MYO6: variants seen among roughly 807,000 people sequenced by gnomAD.
MYO6 encodes the protein unconventional myosin-VI.
MYO6 carries 74 observed loss-of-function variants against 178.7 expected under a neutral mutation model. The ratio of observed to expected loss-of-function variants is 0.41; its 90% confidence interval spans 0.34 to 0.50. The LOEUF (loss-of-function observed/expected upper bound fraction) is 0.50, where lower values mean the gene tolerates loss of function less well. Among genes scored for constraint, MYO6 ranks in the 20% least tolerant of loss-of-function variants. MYO6 has a pLI of 0.09. For synonymous variants in MYO6, 477 were observed against 504.6 expected (o/e 0.95, Z 0.73); for missense variants, 1,330 against 1,547.4 (o/e 0.86, Z 2.36).
intron 19 of MYO6, among the ~76,000 whole-genome samples, chr6:75,871,200 A>G (rs1562269206): frequency 6.6e-6 from 1 of 152,212 alleles, no homozygotes; most frequent in Non-Finnish European, 1.5e-5. Flanking sequence ...TAAATGAAGC[A>G]TGATTCCAAA....
At chr6:75,868,772 C>T (rs1171510874) in intron 18 of MYO6, among the ~76,000 whole-genome samples, 1 of 152,032 alleles carries the variant, frequency 6.6e-6, no homozygotes, top group Non-Finnish European at 1.5e-5. Context: ...TTCAGTTATC[C>T]AGCATCCCTG....
At chr6:75,842,943 GT>G (rs1379781317) in intron 9 of MYO6, among the ~76,000 whole-genome samples, 2 of 152,158 alleles carry the variant, frequency 1.3e-5, no homozygotes, top group Non-Finnish European at 2.9e-5. Flanking sequence ...AGGATTTCCT[GT>G]TTCTGCAGTG....
intron 1 of MYO6, among the ~76,000 whole-genome samples, chr6:75,750,406 A>T (rs924883570): frequency 1.3e-5 from 2 of 151,740 alleles, no homozygotes; most frequent in African/African-American, 4.8e-5. Flanking sequence ...AATATTCTTT[A>T]CATCTTACCT....
At chr6:75,855,304 C>T (rs763107537) in intron 12 of MYO6, 21 bp downstream of exon 12, 22 of 1,611,780 alleles carry the variant, frequency 1.4e-5, no homozygotes, top group Non-Finnish European at 1.9e-5. Flanking sequence ...TAAGTAATTG[C>T]ACTGCAAAAA....
chr6:75,786,367 T>C (rs1487399967), intron 1 of MYO6, among the ~76,000 whole-genome samples: 1 of 152,230 alleles, frequency 6.6e-6, no homozygotes, highest in Non-Finnish European at 1.5e-5. Flanking sequence ...TTGGCTATTC[T>C]TGGCCTTTGC....
At chr6:75,854,203 A>T (rs1307099781) in intron 11 of MYO6, among the ~76,000 whole-genome samples, 1 of 146,160 alleles carries the variant, frequency 6.8e-6, no homozygotes, top group Non-Finnish European at 1.5e-5. Context: ...ATAAAATGGC[A>T]CACGTGCAGG....
At chr6:75,895,393 T>C in intron 29 of MYO6, 133 bp downstream of exon 29, 1 of 751,642 alleles carries the variant, frequency 1.3e-6, no homozygotes, top group Non-Finnish European at 2.2e-6. Flanking sequence ...ATATTTTTCT[T>C]GTCTAGGAAA....
At chr6:75,750,118 C>T (rs998919076) in intron 1 of MYO6, among the ~76,000 whole-genome samples, 2 of 132,794 alleles carry the variant, frequency 1.5e-5, no homozygotes, top group African/African-American at 5.4e-5. Context: ...TTTTTTGAGA[C>T]GGAGCCTTGG....
chr6:75,838,650 T>C (rs1183724101), intron 7 of MYO6, among the ~76,000 whole-genome samples: 1 of 148,958 alleles, frequency 6.7e-6, no homozygotes, highest in East Asian at 1.9e-4. Context: ...TGACCATGGT[T>C]TTTTTTTTTT....
At chr6:75,845,482 C>T (rs1354929492) in intron 10 of MYO6, among the ~76,000 whole-genome samples, 2 of 151,966 alleles carry the variant, frequency 1.3e-5, no homozygotes, top group Non-Finnish European at 2.9e-5. Flanking sequence ...CGTTTGAAGC[C>T]AGGAGTTTGA....
At chr6:75,901,409 A>T (rs568344752) in intron 30 of MYO6, among the ~76,000 whole-genome samples, 1 of 151,966 alleles carries the variant, frequency 6.6e-6, no homozygotes, top group African/African-American at 2.4e-5. Flanking sequence ...TTGAGCAGTG[A>T]TTTGTAGTTC....
rs762451589 is a variant in MYO6, at chr6:75,848,381, C to T, written c.928C>T (p.Leu310=). 1.9e-6 allele frequency: 3 copies of T among 1,613,620 alleles called. No homozygotes were observed. The South Asian group carries it at 3.3e-5, about 18-fold the overall frequency. Residue 310 remains leucine (L), a synonymous_variant, in exon 11 of 35, where the codon CTG becomes TTG. Transcript: ENST00000369977. ...TAAGGCAGGTTCTATGAAAGATCCT[C>T]TGCTAGATGACCATGGTGATTTTAT... is the stretch of plus-strand genomic sequence containing the variant. ...YLKAGSMKDP[L]LDDHGDFIRM...
chr6:75,829,433 A>G lies in MYO6; in HGVS notation c.261+820A>G, dbSNP rs1335369944. 2.6e-5 allele frequency among the ~76,000 whole-genome samples: 4 copies of G among 152,204 alleles called. No individual in the cohort carries two copies. In the East Asian group the frequency reaches 7.7e-4, roughly 29 times the overall value. ...GAAGAAAACACATGGCTTCTTTGAC[A>G]CTTACTAGATCAAATGACAGTCTTA... On this transcript the variant is annotated intron_variant, in intron 4 of 34. Transcript: ENST00000369977.
intron 1 of MYO6, among the ~76,000 whole-genome samples, chr6:75,781,917 CAAAAAAA>C (rs10584481): frequency 4.5e-5 from 2 of 44,680 alleles, no homozygotes; most frequent in Admixed American, 3.5e-4. Context: ...GACTCCATCT[CAAAAAAA>C]AAAAAAAAAA....
intron 23 of MYO6, among the ~76,000 whole-genome samples, chr6:75,884,145 G>C (rs184889926): frequency 6.6e-6 from 1 of 152,118 alleles, no homozygotes; most frequent in African/African-American, 2.4e-5. Context: ...CAGTGGTACC[G>C]AAGTCAGTAA....
At chr6:75,803,735 G>A (rs1398928891) in intron 1 of MYO6, among the ~76,000 whole-genome samples, 1 of 152,058 alleles carries the variant, frequency 6.6e-6, no homozygotes, top group East Asian at 1.9e-4. Flanking sequence ...TCTTTCCATT[G>A]TTAATAAAAG....
intron 33 of MYO6, among the ~76,000 whole-genome samples, chr6:75,913,647 G>A (rs904158685): frequency 6.6e-6 from 1 of 152,048 alleles, no homozygotes; most frequent in African/African-American, 2.4e-5. Context: ...TGTTTATTTT[G>A]TTCTATCATA....
chr6:75,803,450 T>C (rs1769688321), intron 1 of MYO6, among the ~76,000 whole-genome samples: 1 of 152,176 alleles, frequency 6.6e-6, no homozygotes, highest in African/African-American at 2.4e-5. Context: ...AGGTCATACA[T>C]CAGGACCAGG....
intron 1 of MYO6, among the ~76,000 whole-genome samples, chr6:75,790,970 G>A (rs1349785577): frequency 6.6e-6 from 1 of 152,054 alleles, no homozygotes; most frequent in Non-Finnish European, 1.5e-5. Context: ...ATCTTGCTGT[G>A]TGGCCCAGAC....
Sources: allele counts gnomAD v4.1 joint callset (sites outside exome capture counted in the v4.1 genomes callset), GRCh38; gene constraint gnomAD v4.1.1; transcripts MANE v1.5; gene names NCBI Gene and HGNC (gene_info 2026-07-23, HGNC 2026-07-21).